The following CCDC178 variants were observed in gnomAD, a reference collection of about 807,000 sequenced individuals.
CCDC178 encodes coiled-coil domain-containing protein 178.
In CCDC178, 126 loss-of-function variants were observed where a neutral mutation model predicts 117.4. The observed-to-expected ratio is 1.07, with a 90% CI of 0.93 to 1.24. The LOEUF is 1.24. Ranked by LOEUF, CCDC178 falls within the 50% of genes most tolerant of loss-of-function variation. The pLI, the probability that CCDC178 is intolerant of heterozygous loss-of-function variation, is 0.00. For synonymous variants in CCDC178, 283 were observed against 313.4 expected, an observed-to-expected ratio of 0.90 and a Z score of 1.02; for missense variants, 1,030 against 986.9, an observed-to-expected ratio of 1.04 and a Z score of -0.59.
intron 5 of CCDC178, among the ~76,000 whole-genome samples, chr18:33,382,031 T>C (rs908070797): frequency 3.3e-5 from 5 of 152,194 alleles, no homozygotes; most frequent in Non-Finnish European, 7.3e-5. Context: ...CAAAATTCAC[T>C]ATGGGCAGTA....
intron 20 of CCDC178, among the ~76,000 whole-genome samples, chr18:33,199,937 C>T (rs2058974065): frequency 6.6e-6 from 1 of 152,066 alleles, no homozygotes; most frequent in Non-Finnish European, 1.5e-5. Flanking sequence ...ATACCGACAC[C>T]ACAACTCTCC....
At chr18:32,951,561 T>C (rs2054484051) in intron 22 of CCDC178, among the ~76,000 whole-genome samples, 1 of 152,194 alleles carries the variant, frequency 6.6e-6, no homozygotes, top group Non-Finnish European at 1.5e-5. Flanking sequence ...CTCCACCAGG[T>C]TGGTCTCACA....
intron 21 of CCDC178, among the ~76,000 whole-genome samples, chr18:33,031,943 C>A (rs1198483775): frequency 6.6e-6 from 1 of 151,782 alleles, no homozygotes; most frequent in Non-Finnish European, 1.5e-5. Flanking sequence ...CTACATAGAC[C>A]AGAATGAATA....
intron 20 of CCDC178, among the ~76,000 whole-genome samples, chr18:33,186,227 A>C (rs908778558): frequency 1.3e-5 from 2 of 152,050 alleles, no homozygotes; most frequent in African/African-American, 4.8e-5. Flanking sequence ...CACTCTTTCT[A>C]CTAGGAAATT....
chr18:33,149,708 G>C (rs1309341571), intron 20 of CCDC178, among the ~76,000 whole-genome samples: 1 of 151,930 alleles, frequency 6.6e-6, no homozygotes, highest in African/African-American at 2.4e-5. Context: ...CCCCTTTCCT[G>C]CTCCCCACAA....
Position 33,417,453 on chromosome 18 carries a change from G to C in CCDC178, c.-22-5343C>G, listed in dbSNP as rs530210267. 2.6e-5 allele frequency among the ~76,000 whole-genome samples: 4 copies of C among 151,932 alleles called. No individual in the cohort carries two copies. In the East Asian group the frequency reaches 7.8e-4, roughly 29 times the overall value. On this transcript the variant is annotated intron_variant, in intron 2 of 22. Transcript: ENST00000383096. The stretch of plus-strand genomic sequence containing the variant: ...AGAGATAGGGGAGGAGTAATATCAA[G>C]GAATGCTGTGGTGGGGTAAGTCTCA...
chr18:33,238,090 C>T (rs1419408045), intron 15 of CCDC178, among the ~76,000 whole-genome samples: 1 of 152,192 alleles, frequency 6.6e-6, no homozygotes, highest in Non-Finnish European at 1.5e-5. Context: ...TTACTGTATC[C>T]ACCTGGGACT....
chr18:33,000,302 G>GA (rs895212546), intron 21 of CCDC178, among the ~76,000 whole-genome samples: 1 of 150,526 alleles, frequency 6.6e-6, no homozygotes, highest in Non-Finnish European at 1.5e-5. Context: ...GGAGACAAAA[G>GA]AAAAAATAAT....
At chr18:33,235,863 T>TAA (rs2059420591) in intron 15 of CCDC178, among the ~76,000 whole-genome samples, 1 of 152,190 alleles carries the variant, frequency 6.6e-6, no homozygotes, top group South Asian at 2.1e-4. Context: ...TAAATTGACT[T>TAA]ATTCCCTATC....
chr18:32,983,463 AT>A (rs2055194755), intron 21 of CCDC178: 1 of 599,308 alleles, frequency 1.7e-6, no homozygotes, highest in Non-Finnish European at 2.9e-6. Flanking sequence ...CAGCTCTAAG[AT>A]TTATTCACAT....
chr18:33,216,183 A>T (rs2059163423), intron 18 of CCDC178, among the ~76,000 whole-genome samples: 1 of 152,024 alleles, frequency 6.6e-6, no homozygotes, highest in African/African-American at 2.4e-5. Context: ...GTCCCACACA[A>T]ACTTGCTCCC....
intron 11 of CCDC178, 151 bp from the exon 12 acceptor site, chr18:33,293,463 C>A: frequency 2.4e-6 from 1 of 412,908 alleles, no homozygotes; most frequent in South Asian, 4.9e-5. Flanking sequence ...AGTTCAAGAC[C>A]AGCTTGGGCA....
chr18:33,096,541 A>G lies in CCDC178; in HGVS notation c.2239-3631T>C, dbSNP rs141165918. On this transcript the variant is annotated intron_variant, in intron 20 of 22. Coordinates refer to ENST00000383096, the MANE Select transcript of CCDC178 (RefSeq NM_001105528.4). ...TGAGACTTACACAGTCACCTTCAGA[A>G]GAAAGAAAATTACCCAGGATAGTAA... 2.5e-3 allele frequency among the ~76,000 whole-genome samples: 377 copies of G among 152,022 alleles called. 2 individuals carry two copies. The highest frequency in any genetic ancestry group is 8.3e-3 in the African/African-American group (346 of 41,550).
intron 14 of CCDC178, among the ~76,000 whole-genome samples, chr18:33,262,657 G>A (rs1338250556): frequency 6.6e-6 from 1 of 151,872 alleles, no homozygotes; most frequent in Non-Finnish European, 1.5e-5. Flanking sequence ...TACACACCCA[G>A]ACACAAGCAC....
rs977824762 is a variant in CCDC178, at chr18:33,400,588, TGCAG to T, written c.59-3384_59-3381del. Reference sequence around the variant, plus strand: ...TTCTGCAAGCTTCCAACTTTCCCTCTGCAGCTTCTTCACCTCTCTTAGCCTTTAT... The same window carrying T: ...TTCTGCAAGCTTCCAACTTTCCCTCTCTTCTTCACCTCTCTTAGCCTTTAT... On this transcript the variant is annotated intron_variant, in intron 3 of 22. Transcript: ENST00000383096. Among the ~76,000 whole-genome samples, 1,470 of 152,312 alleles carry T rather than the reference TGCAG, an allele frequency of 9.7e-3. 19 individuals are homozygous for T. Among genetic ancestry groups the T allele is most frequent in the African/African-American group, 0.033 (1,391 of 41,570 alleles).
chr18:33,250,435 T>A (rs986301930), intron 14 of CCDC178, among the ~76,000 whole-genome samples: 29 of 26,004 alleles, frequency 1.1e-3, no homozygotes, highest in Non-Finnish European at 2.5e-3. Context: ...CACTGCTGCC[T>A]AAAAAATAGA....
At chr18:33,058,752 G>T (rs1213857655) in intron 21 of CCDC178, among the ~76,000 whole-genome samples, 1 of 152,014 alleles carries the variant, frequency 6.6e-6, no homozygotes, top group Non-Finnish European at 1.5e-5. Flanking sequence ...TTTTTTTAAG[G>T]TTTAACAATT....
intron 18 of CCDC178, among the ~76,000 whole-genome samples, chr18:33,218,317 ATTTG>A (rs1288109044): frequency 6.6e-6 from 1 of 152,030 alleles, no homozygotes; most frequent in Non-Finnish European, 1.5e-5. Flanking sequence ...TTTCTCGTAA[ATTTG>A]TTTAAGTTCT....
chr18:32,991,017 A>T (rs987730703), intron 21 of CCDC178, among the ~76,000 whole-genome samples: 2 of 151,178 alleles, frequency 1.3e-5, no homozygotes, highest in African/African-American at 4.8e-5. Flanking sequence ...AATTATTATA[A>T]TAATTTTATA....
Sources: allele counts gnomAD v4.1 joint callset (sites outside exome capture counted in the v4.1 genomes callset), GRCh38; gene constraint gnomAD v4.1.1; transcripts MANE v1.5; gene names NCBI Gene and HGNC (gene_info 2026-07-23, HGNC 2026-07-21).